DST: variants seen among roughly 807,000 people sequenced by gnomAD.
The protein encoded by DST is bullous pemphigoid antigen.
Under a neutral mutation model 875.2 loss-of-function variants are expected in DST, and 253 were observed. The ratio of observed to expected loss-of-function variants is 0.29; its 90% CI spans 0.26 to 0.32. The LOEUF (loss-of-function observed/expected upper bound fraction) is 0.32, where lower values mean the gene tolerates loss of function less well. DST is among the 10% of genes least tolerant of loss of function. The pLI is 1.00. For synonymous variants in DST, 3,124 were observed against 3,197.1 expected, an observed-to-expected ratio of 0.98 and a Z score of 0.77; for missense variants, 8,287 against 9,111.6, an observed-to-expected ratio of 0.91 and a Z score of 3.68.
At chr6:56,756,184 T>C (rs1271960475) in intron 4 of DST, among the ~76,000 whole-genome samples, 2 of 151,862 alleles carry the variant, frequency 1.3e-5, no homozygotes, top group African/African-American at 2.4e-5. Context: ...TCTGGTACCG[T>C]GTAAAGGAGG....
intron 3 of DST, chr6:56,871,591 G>T: frequency 1.1e-5 from 9 of 835,418 alleles, no homozygotes; most frequent in Non-Finnish European, 1.9e-5. Flanking sequence ...AGAGCTCATG[G>T]TTGGATTAAC....
Position 56,485,474 on chromosome 6 carries a change from A to AAGAC in DST, c.21048-4_21048-3insGTCT. The stretch of plus-strand genomic sequence containing the variant: ...GGGCTTCCTCCAATTTGTTTTGTCT[A>AAGAC]GGGAAAAAGGTAGAAAAATTGATCC... On this transcript the variant is annotated splice_region_variant and splice_polypyrimidine_tract_variant and intron_variant, in intron 87 of 103. Coordinates refer to ENST00000680361, the MANE Select transcript of DST (RefSeq NM_001374736.1). 1 of 1,612,188 alleles carries AAGAC rather than the reference A, an allele frequency of 6.2e-7. No individual in the cohort carries two copies. Among genetic ancestry groups the AAGAC allele is most frequent in the Non-Finnish European group, 8.5e-7 (1 of 1,178,982 alleles).
Position 56,932,288 on chromosome 6 carries a change from T to C in DST, c.216+21497A>G, listed in dbSNP as rs1040768087. Among the ~76,000 whole-genome samples the C allele has an allele frequency of 2.6e-5, 4 of 152,330 alleles. No individual in the cohort carries two copies. In the South Asian group the frequency reaches 6.2e-4, roughly 24 times the overall value. On this transcript the variant is annotated intron_variant, in intron 2 of 103. Transcript: ENST00000680361. ...CCAACATGTAAGAAGTGCCTTTTGC[T>C]TCCCGCCATGATTCTGAGGCCTCCC...
chr6:56,938,278 G>C (rs1014187672), intron 2 of DST, among the ~76,000 whole-genome samples: 2 of 151,914 alleles, frequency 1.3e-5, no homozygotes, highest in Admixed American at 6.6e-5. Flanking sequence ...GGGACAACAG[G>C]TGCATACCAT....
chr6:56,691,033 C>T (rs149203829), intron 9 of DST, among the ~76,000 whole-genome samples: 2 of 152,132 alleles, frequency 1.3e-5, no homozygotes, highest in Non-Finnish European at 2.9e-5. Context: ...ACAGTTATTT[C>T]GCAAATCTGA....
intron 49 of DST, among the ~76,000 whole-genome samples, chr6:56,580,753 G>T (rs1425967987): frequency 6.8e-6 from 1 of 146,110 alleles, no homozygotes; most frequent in East Asian, 2.0e-4. Context: ...TGGTTGGGGG[G>T]GCAGCGTCTC....
At chr6:56,778,161 A>G (rs2099683244) in intron 4 of DST, among the ~76,000 whole-genome samples, 1 of 152,090 alleles carries the variant, frequency 6.6e-6, no homozygotes, top group Non-Finnish European at 1.5e-5. Context: ...TCTTTAAGTC[A>G]GTAGTATAAA....
In DST at chr6:56,601,582, G is replaced by T. The variant is rs571387338; in HGVS notation, c.11402C>A (p.Ser3801Tyr). The part of the protein sequence containing the change: ...FFISEYAQDL[S>Y]PNQSKQLLRL... ...CAGCAGTTGTTTGCTTTGGTTGGGA[G>T]ACAGATCCTGTGCATATTCAGAAAT... The change falls in exon 44 of 104, where the codon TCT becomes TAT. Residue 3801 changes from serine to tyrosine, a missense_variant. By Grantham distance (144) the Ser-to-Tyr change is moderately radical. Transcript: ENST00000680361. 3 of 1,602,306 alleles carry T rather than the reference G, an allele frequency of 1.9e-6. No individual in the cohort carries two copies. In the East Asian group the frequency reaches 6.7e-5, roughly 36 times the overall value.
At position 56,515,515 on chromosome 6, in the gene DST, T is replaced by C. The variant is rs1293840172; in HGVS notation, c.18511A>G (p.Ile6171Val). 1 of 1,613,818 alleles carries C rather than the reference T, an allele frequency of 6.2e-7. No homozygotes were observed. Among genetic ancestry groups the C allele is most frequent in the Non-Finnish European group, 8.5e-7 (1 of 1,179,842 alleles). Residue 6171 changes from isoleucine to valine, a missense_variant, in exon 72 of 104, where the codon ATC (isoleucine) becomes GTC (valine). Ile to Val is a conservative substitution (Grantham distance 29). This residue lies in a region of DST where 1,292 missense variants were observed against 1,552.7 expected (regional missense o/e 0.83). Coordinates refer to ENST00000680361, the MANE Select transcript of DST (RefSeq NM_001374736.1). ...WPWLTETQSIISQLPAPALEY... is the reference protein window; with the variant it reads ...WPWLTETQSIVSQLPAPALEY... ...AGGGCTGGGGCGGGAAGCTGAGAGA[T>C]GATTGATTGTGTTTCTGTCAGCCAT... is the stretch of plus-strand genomic sequence containing the variant.
chr6:56,633,557 G>A (rs2098801139), intron 27 of DST, among the ~76,000 whole-genome samples: 1 of 148,388 alleles, frequency 6.7e-6, no homozygotes, highest in Non-Finnish European at 1.5e-5. Context: ...TGCCCAGGCT[G>A]GAGCGCGATC....
At position 56,606,407 on chromosome 6, in the gene DST, A is replaced by G. The variant is rs2098498508; in HGVS notation, c.8221T>C (p.Leu2741=). The G allele has an allele frequency of 6.2e-7, 1 of 1,613,332 alleles. No individual in the cohort carries two copies. Among genetic ancestry groups the G allele is most frequent in the Non-Finnish European group, 8.5e-7 (1 of 1,179,552 alleles). The change falls in exon 40 of 104, where the codon TTG becomes CTG. Residue 2741 remains leucine (L), a synonymous_variant. Transcript: ENST00000680361. ...NILEGDESDS[L]TDYDIVGGKE... ...CCTCCTACAATATCATAATCAGTCAATGAGTCAGATTCATCACCTTCAAGG... is the reference window on the plus strand; with the variant it reads ...CCTCCTACAATATCATAATCAGTCAGTGAGTCAGATTCATCACCTTCAAGG...
At chr6:56,916,987 TAAAAAA>T (rs1161421788) in intron 2 of DST, among the ~76,000 whole-genome samples, 6 of 35,544 alleles carry the variant, frequency 1.7e-4, no homozygotes, top group African/African-American at 6.8e-4. Flanking sequence ...CCAGGCATGC[TAAAAAA>T]AAAAAAAAAA....
intron 80 of DST, 117 bp downstream of exon 80, chr6:56,500,936 TAACCTTTAGTTATAAATGTCAAATATG>T (rs1236881371): frequency 1.3e-6 from 1 of 766,018 alleles, no homozygotes; most frequent in African/African-American, 1.8e-5. Context: ...TTTAAGTAGT[TAACCTTTAGTTATAAATGTCAAATATG>T]AACTTGTGTC....
At position 56,530,131 on chromosome 6, in the gene DST, T is replaced by C. The variant is rs923663611; in HGVS notation, c.17111A>G (p.Asn5704Ser). Reference protein sequence around the residue: ...EALLNKAETRNRQLEGISVVA... With the variant: ...EALLNKAETRSRQLEGISVVA... ...CACCGAGATACCTTCCAACTGACGA[T>C]TCCTACAAATGTGCCAAAAGGTCAT... is the stretch of plus-strand genomic sequence containing the variant. The change falls in exon 65 of 104, where the codon AAT becomes AGT. Residue 5704 changes from asparagine to serine, a missense_variant and splice_region_variant. Coordinates refer to ENST00000680361, the MANE Select transcript of DST (RefSeq NM_001374736.1). 1 of 1,584,890 alleles carries C rather than the reference T, an allele frequency of 6.3e-7. No homozygotes were observed. The highest frequency in any genetic ancestry group is 2.3e-5 in the East Asian group (1 of 44,352).
intron 4 of DST, among the ~76,000 whole-genome samples, chr6:56,821,200 CT>C (rs1330601396): frequency 6.6e-6 from 1 of 152,210 alleles, no homozygotes; most frequent in African/African-American, 2.4e-5. Flanking sequence ...CAAATATTAA[CT>C]TTCAAAATAA....
At chr6:56,654,082 T>C (rs1563481124) in intron 10 of DST, among the ~76,000 whole-genome samples, 1 of 152,224 alleles carries the variant, frequency 6.6e-6, no homozygotes, top group Non-Finnish European at 1.5e-5. Context: ...TTTTAGATAG[T>C]TGAACATTAA....
At chr6:56,586,036 AGGTGT>A (rs879536985) in intron 49 of DST, among the ~76,000 whole-genome samples, 4,800 of 152,086 alleles carry the variant, frequency 0.032, 218 homozygotes, top group African/African-American at 0.11. Flanking sequence ...GTTTTGGAAT[AGGTGT>A]GGTGTGGTGC....
chr6:56,469,378 T>C (rs2094765430), intron 97 of DST, among the ~76,000 whole-genome samples: 1 of 150,564 alleles, frequency 6.6e-6, no homozygotes, highest in Admixed American at 6.6e-5. Flanking sequence ...AGAGAAAGAG[T>C]AATGAAGTCA....
At chr6:56,896,225 A>G (rs1188075992) in intron 3 of DST, among the ~76,000 whole-genome samples, 2 of 151,484 alleles carry the variant, frequency 1.3e-5, no homozygotes, top group Non-Finnish European at 3.0e-5. Context: ...TCCCCACCCA[A>G]ATCTCAACTT....
Sources: gnomAD v4.1 joint callset for allele counts (sites outside exome capture counted in the v4.1 genomes callset) on GRCh38, gnomAD v4.1.1 for gene constraint, gnomAD v4.1.1 regional missense constraint, MANE v1.5 for transcripts, NCBI Gene and HGNC (gene_info 2026-07-23, HGNC 2026-07-21) for gene names.